CREBBP: variants seen among roughly 807,000 people sequenced by gnomAD.
CREBBP encodes CREB-binding protein.
Under a neutral mutation model 265.0 loss-of-function variants are expected in CREBBP, and 19 were observed. That is an observed-to-expected ratio of 0.07 (90% CI 0.05 to 0.11). The LOEUF (loss-of-function observed/expected upper bound fraction) is 0.11, where lower values mean the gene tolerates loss of function less well. Among genes scored for constraint, CREBBP ranks in the 10% least tolerant of loss-of-function variants. The pLI is 1.00. For missense variants in CREBBP, 2,525 were observed against 3,219.0 expected, an observed-to-expected ratio of 0.78 and a Z score of 5.22; for synonymous variants, 1,457 against 1,223.7, an observed-to-expected ratio of 1.19 and a Z score of -3.98.
chr16:3,766,402 G>A (rs1035933583), intron 16 of CREBBP, among the ~76,000 whole-genome samples: 1 of 152,186 alleles, frequency 6.6e-6, no homozygotes, highest in Non-Finnish European at 1.5e-5. Context: ...TGCAGAGGCA[G>A]ATACCCTTAA....
At chr16:3,868,279 G>GCTT (rs2055221106) in intron 1 of CREBBP, among the ~76,000 whole-genome samples, 2 of 128,906 alleles carry the variant, frequency 1.6e-5, no homozygotes, top group East Asian at 3.9e-4. Context: ...ACTTTTAAAA[G>GCTT]AAAATTGTTT....
chr16:3,793,322 T>C, intron 4 of CREBBP, 64 bp downstream of exon 4: 1 of 1,609,762 alleles, frequency 6.2e-7, no homozygotes, highest in South Asian at 1.1e-5. Flanking sequence ...AGAGCTGCTG[T>C]AAGAACAATA....
At chr16:3,870,413 C>A (rs1317898676) in intron 1 of CREBBP, among the ~76,000 whole-genome samples, 5 of 152,194 alleles carry the variant, frequency 3.3e-5, no homozygotes, top group Non-Finnish European at 5.9e-5. Flanking sequence ...TTTATAATTT[C>A]TCTGCATTTA....
rs114857683 is a variant in CREBBP at position 3,877,381 on chromosome 16, G to A, written c.85+2451C>T. On this transcript the variant is annotated intron_variant, in intron 1 of 30. Coordinates refer to ENST00000262367, the MANE Select transcript of CREBBP (RefSeq NM_004380.3). ...CCATCTCATTACTCAATTTCTTAGT[G>A]GAGCAGTTACAACAGACAAAGTGTC... Among the ~76,000 whole-genome samples, 820 of 152,278 alleles carry A rather than the reference G, an allele frequency of 5.4e-3. 10 individuals are homozygous for A. The highest frequency in any genetic ancestry group is 0.019 in the African/African-American group (788 of 41,538).
chr16:3,856,401 G>A (rs768605739), intron 1 of CREBBP, among the ~76,000 whole-genome samples: 9 of 152,150 alleles, frequency 5.9e-5, no homozygotes, highest in Admixed American at 1.3e-4. Context: ...TGCAGCTTCC[G>A]CCCTGCACCA....
chr16:3,831,252 C>T (rs899501199), intron 2 of CREBBP, among the ~76,000 whole-genome samples: 1 of 152,110 alleles, frequency 6.6e-6, no homozygotes, highest in Non-Finnish European at 1.5e-5. Flanking sequence ...AAAAGCTAAA[C>T]ACACTTCAGC....
At chr16:3,729,895 C>T in intron 30 of CREBBP, 21 bp from the exon 31 acceptor site, 1 of 1,599,382 alleles carries the variant, frequency 6.3e-7, no homozygotes, top group African/African-American at 1.3e-5. Flanking sequence ...GGAAAGGGGA[C>T]AGGCCGGTGT....
At chr16:3,820,173 A>C (rs1223957760) in intron 2 of CREBBP, among the ~76,000 whole-genome samples, 1 of 152,266 alleles carries the variant, frequency 6.6e-6, no homozygotes, top group African/African-American at 2.4e-5. Context: ...TAAAGCCAAA[A>C]GCATTTTCTC....
chr16:3,753,285 A>T (rs899245373), intron 19 of CREBBP, among the ~76,000 whole-genome samples: 5 of 152,172 alleles, frequency 3.3e-5, no homozygotes, highest in Non-Finnish European at 7.3e-5. Flanking sequence ...CCCAAATCTA[A>T]TCTTAATTCA....
chr16:3,854,887 T>C lies in CREBBP; in HGVS notation c.86-3878A>G, dbSNP rs566199288. Among the ~76,000 whole-genome samples, 5 of 152,380 alleles carry C rather than the reference T, an allele frequency of 3.3e-5. No individual in the cohort carries two copies. In the East Asian group the frequency reaches 9.6e-4, roughly 29 times the overall value. On this transcript the variant is annotated intron_variant, in intron 1 of 30. Transcript: ENST00000262367. ...GAGATGTGATTTAGGAGTGTGTACA[T>C]GCATGTAACAGTTTTTGAAGAAAAA...
At chr16:3,749,360 CAAATTATTAGAGAGGTTCTCATAGAACTA>C (rs2052421964) in intron 21 of CREBBP, among the ~76,000 whole-genome samples, 1 of 152,154 alleles carries the variant, frequency 6.6e-6, no homozygotes, top group Non-Finnish European at 1.5e-5. Context: ...CACCCATGAC[CAAATTATTAGAGAGGTTCTCATAGAACTA>C]AAACATCCAT....
At chr16:3,802,114 ATTTTTTTTTTTTTTTTTTTTTTT>A (rs71133657) in intron 3 of CREBBP, among the ~76,000 whole-genome samples, 2 of 50,556 alleles carry the variant, frequency 4.0e-5, no homozygotes, top group African/African-American at 1.9e-4. Flanking sequence ...GTATTCCTTA[ATTTTTTTTTTTTTTTTTTTTTTT>A]TTTTTTTTTT....
At chr16:3,757,417 T>C in intron 18 of CREBBP, 41 bp from the exon 19 acceptor site, 1 of 1,432,732 alleles carries the variant, frequency 7.0e-7, no homozygotes, top group Non-Finnish European at 9.7e-7. Flanking sequence ...TAAAAATACA[T>C]TCCATTTACT....
At position 3,727,188 on chromosome 16, in the gene CREBBP, C is replaced by T. The variant is rs1489241834; in HGVS notation, c.*530G>A. The T allele has an allele frequency of 4.1e-6, 1 of 243,302 alleles. No homozygotes were observed. Among genetic ancestry groups the T allele is most frequent in the Non-Finnish European group, 8.0e-6 (1 of 124,462 alleles). The allele number at this position is 243,302 out of a possible 1,614,324, so 15.1% of individuals were successfully genotyped here. On this transcript the variant is annotated 3_prime_UTR_variant, in exon 31 of 31. Transcript: ENST00000262367. ...CACGCCGGAGTCAATTCCTATCATC[C>T]AGGGTAATACTGGGAGACGCCCACA... is the stretch of plus-strand genomic sequence containing the variant.
intron 2 of CREBBP, among the ~76,000 whole-genome samples, chr16:3,835,704 C>A (rs147702013): frequency 2.6e-5 from 4 of 151,406 alleles, no homozygotes; most frequent in African/African-American, 9.7e-5. Context: ...CTCAGCCTCC[C>A]GAGTAGCTGG....
intron 3 of CREBBP, among the ~76,000 whole-genome samples, chr16:3,808,167 G>T (rs559527921): frequency 6.8e-6 from 1 of 147,208 alleles, no homozygotes; most frequent in Non-Finnish European, 1.5e-5. Flanking sequence ...GGGGGGGGCA[G>T]CGGGGGAGAG....
chr16:3,766,945 C>A (rs1392225603), intron 16 of CREBBP, among the ~76,000 whole-genome samples: 1 of 152,176 alleles, frequency 6.6e-6, no homozygotes, highest in East Asian at 1.9e-4. Context: ...TCCACACTCT[C>A]CAGGGTCCCT....
chr16:3,778,906 C>A, intron 8 of CREBBP, 89 bp from the exon 9 acceptor site: 1 of 1,077,464 alleles, frequency 9.3e-7, no homozygotes, highest in Non-Finnish European at 1.4e-6. Flanking sequence ...GTGGCTCACG[C>A]TTGTAATCCC....
intron 23 of CREBBP, chr16:3,741,485 G>A (rs1037167739): frequency 3.3e-5 from 5 of 152,294 alleles, no homozygotes; most frequent in Admixed American, 2.6e-4. Context: ...TTTTGGATAA[G>A]TTGTACCTGA....
Sources: gnomAD v4.1 joint callset for allele counts (sites outside exome capture counted in the v4.1 genomes callset) on GRCh38, gnomAD v4.1.1 for gene constraint, MANE v1.5 for transcripts, NCBI Gene and HGNC (gene_info 2026-07-23, HGNC 2026-07-21) for gene names.